The following PTPRK variants were observed in gnomAD, a reference collection of about 807,000 sequenced individuals.
The protein encoded by PTPRK is receptor-type tyrosine-protein phosphatase kappa.
A neutral mutation model predicts 178.0 loss-of-function variants in PTPRK; 75 were observed. The ratio of observed to expected loss-of-function variants is 0.42; its 90% CI spans 0.35 to 0.51. The LOEUF (loss-of-function observed/expected upper bound fraction) is 0.51, where lower values mean the gene tolerates loss of function less well. Ranked by LOEUF, PTPRK falls within the 20% of genes least tolerant of loss-of-function variation. The pLI is 0.02. For missense variants in PTPRK, 1,441 were observed against 1,797.8 expected (o/e 0.80, Z 3.59); for synonymous variants, 637 against 620.6 (o/e 1.03, Z -0.39).
At chr6:128,385,112 A>G (rs1838513345) in intron 2 of PTPRK, among the ~76,000 whole-genome samples, 1 of 148,884 alleles carries the variant, frequency 6.7e-6, no homozygotes, top group Admixed American at 6.7e-5. Context: ...AATATTAATA[A>G]TTTTAAAATA....
chr6:128,279,974 A>G (rs985297222), intron 3 of PTPRK, among the ~76,000 whole-genome samples: 2 of 152,138 alleles, frequency 1.3e-5, no homozygotes, highest in African/African-American at 4.8e-5. Flanking sequence ...GAACAGACCC[A>G]TTGGACATGC....
At chr6:128,112,384 A>G (rs983016159) in intron 7 of PTPRK, among the ~76,000 whole-genome samples, 2 of 152,142 alleles carry the variant, frequency 1.3e-5, no homozygotes, top group Non-Finnish European at 2.9e-5. Flanking sequence ...ATGGAAAGAC[A>G]TTAAAAAGAA....
In PTPRK at chr6:128,147,560, A is replaced by G. The variant is rs1005666169; in HGVS notation, c.1162+36872T>C. Among the ~76,000 whole-genome samples, 6 of 152,182 alleles carry G rather than the reference A, an allele frequency of 3.9e-5. No homozygotes were observed. The East Asian group carries it at 1.2e-3, about 29-fold the overall frequency. On this transcript the variant is annotated intron_variant, in intron 7 of 29. Coordinates refer to ENST00000368226, the MANE Select transcript of PTPRK (RefSeq NM_002844.4). ...TAAAAATAAGAATCAAACCATATAAATAAAATGCATCCAATAAGTAAATCT... is the reference window on the plus strand; with the variant it reads ...TAAAAATAAGAATCAAACCATATAAGTAAAATGCATCCAATAAGTAAATCT...
At chr6:128,021,444 G>A (rs527505598) in intron 13 of PTPRK, among the ~76,000 whole-genome samples, 6 of 152,102 alleles carry the variant, frequency 3.9e-5, no homozygotes, top group Non-Finnish European at 7.4e-5. Context: ...AGACCATCCT[G>A]GCTAACACGG....
At chr6:128,154,237 TG>T (rs1444863546) in intron 7 of PTPRK, among the ~76,000 whole-genome samples, 2 of 151,616 alleles carry the variant, frequency 1.3e-5, no homozygotes, top group African/African-American at 2.4e-5. Flanking sequence ...ATTTGTATAT[TG>T]ACAAAAGAGA....
chr6:128,087,426 C>T (rs1243223476), intron 8 of PTPRK, among the ~76,000 whole-genome samples: 1 of 151,934 alleles, frequency 6.6e-6, no homozygotes. Context: ...AACATTTATC[C>T]CATTTTAAAA....
chr6:128,101,335 T>C (rs1465435793), intron 7 of PTPRK, among the ~76,000 whole-genome samples: 2 of 152,118 alleles, frequency 1.3e-5, no homozygotes, highest in Non-Finnish European at 1.5e-5. Flanking sequence ...AGATTCATCA[T>C]CATTTTCCAC....
At chr6:128,054,124 T>G (rs1229351334) in intron 13 of PTPRK, among the ~76,000 whole-genome samples, 1 of 152,220 alleles carries the variant, frequency 6.6e-6, no homozygotes, top group Non-Finnish European at 1.5e-5. Context: ...ACATAAACTT[T>G]CCAGCTTTTA....
intron 2 of PTPRK, among the ~76,000 whole-genome samples, chr6:128,326,615 G>A (rs1829605220): frequency 6.6e-6 from 1 of 152,052 alleles, no homozygotes; most frequent in African/African-American, 2.4e-5. Flanking sequence ...ACCCACTTAT[G>A]AAAAATACAT....
At chr6:128,283,083 CAA>C (rs1821933215) in intron 3 of PTPRK, among the ~76,000 whole-genome samples, 1 of 152,262 alleles carries the variant, frequency 6.6e-6, no homozygotes, top group Admixed American at 6.5e-5. Flanking sequence ...TTTCCCGCAG[CAA>C]AGTGTCCTGA....
At chr6:128,420,253 T>C (rs1287268918) in intron 1 of PTPRK, among the ~76,000 whole-genome samples, 1 of 152,176 alleles carries the variant, frequency 6.6e-6, no homozygotes, top group Non-Finnish European at 1.5e-5. Flanking sequence ...ATATAAATTG[T>C]CTCAATGAGG....
intron 2 of PTPRK, among the ~76,000 whole-genome samples, chr6:128,378,768 G>A (rs1457538446): frequency 6.6e-6 from 1 of 152,000 alleles, no homozygotes; most frequent in Non-Finnish European, 1.5e-5. Context: ...ATTTTACAGA[G>A]CAGAATTTTG....
chr6:128,281,862 T>G (rs910423896), intron 3 of PTPRK, among the ~76,000 whole-genome samples: 3 of 152,162 alleles, frequency 2.0e-5, no homozygotes, highest in African/African-American at 7.2e-5. Context: ...CCTATCAGAA[T>G]TAATCTATCT....
intron 3 of PTPRK, among the ~76,000 whole-genome samples, chr6:128,288,044 T>C (rs1020785322): frequency 6.6e-6 from 1 of 152,174 alleles, no homozygotes; most frequent in African/African-American, 2.4e-5. Context: ...CACTCAAATC[T>C]CTACTGGAGG....
At chr6:128,491,948 C>T in intron 1 of PTPRK, 1 of 421,388 alleles carries the variant, frequency 2.4e-6, no homozygotes, top group Non-Finnish European at 4.8e-6. Flanking sequence ...CACTACTGTT[C>T]ACATTTGTTT....
intron 7 of PTPRK, among the ~76,000 whole-genome samples, chr6:128,180,924 G>A (rs887494738): frequency 1.3e-5 from 2 of 152,142 alleles, no homozygotes; most frequent in Non-Finnish European, 1.5e-5. Context: ...TATTAAGGCC[G>A]TTAAAAGTCT....
At chr6:128,076,298 G>A (rs1021231617) in intron 11 of PTPRK, among the ~76,000 whole-genome samples, 9 of 151,950 alleles carry the variant, frequency 5.9e-5, no homozygotes, top group Non-Finnish European at 1.2e-4. Context: ...TTGCTGGTAG[G>A]GAGACTGAAA....
chr6:128,026,359 G>C (rs1489910949), intron 13 of PTPRK, among the ~76,000 whole-genome samples: 3 of 152,106 alleles, frequency 2.0e-5, no homozygotes, highest in African/African-American at 7.2e-5. Flanking sequence ...TCAAGTTAAA[G>C]AAAAAATACA....
At chr6:128,107,228 TAGA>T (rs1789873566) in intron 7 of PTPRK, among the ~76,000 whole-genome samples, 1 of 152,056 alleles carries the variant, frequency 6.6e-6, no homozygotes, top group Non-Finnish European at 1.5e-5. Context: ...TGTTTGTTTT[TAGA>T]AGAAATTTAT....
Sources: allele counts gnomAD v4.1 joint callset (sites outside exome capture counted in the v4.1 genomes callset), GRCh38; gene constraint gnomAD v4.1.1; transcripts MANE v1.5; gene names NCBI Gene and HGNC (gene_info 2026-07-23, HGNC 2026-07-21).